POLD3: variants seen among roughly 807,000 people sequenced by gnomAD.
The protein encoded by POLD3 is DNA polymerase delta subunit 3.
POLD3 carries 19 observed loss-of-function variants against 58.2 expected under a neutral mutation model. The ratio of observed to expected loss-of-function variants is 0.33; its 90% CI spans 0.23 to 0.48. The LOEUF (loss-of-function observed/expected upper bound fraction) is 0.48, where lower values mean the gene tolerates loss of function less well. Among genes scored for constraint, POLD3 ranks in the 20% least tolerant of loss-of-function variants. The pLI, the probability that POLD3 is intolerant of heterozygous loss-of-function variation, is 0.99. For missense variants in POLD3, 504 were observed against 545.5 expected (o/e 0.92, Z 0.76); for synonymous variants, 172 against 193.5 (o/e 0.89, Z 0.92).
In POLD3 at chr11:74,592,657, C is replaced by A; in HGVS notation, c.-2C>A. On this transcript the variant is annotated 5_prime_UTR_variant, in exon 1 of 12. Coordinates refer to ENST00000263681, the MANE Select transcript of POLD3 (RefSeq NM_006591.3). ...AGAGGCGGGTCCCAGCGCTGCCGCACCATGGCGGACCAGCTTTATCTGGAA... is the reference window on the plus strand; with the variant it reads ...AGAGGCGGGTCCCAGCGCTGCCGCAACATGGCGGACCAGCTTTATCTGGAA... 6.2e-7 allele frequency: 1 copy of A among 1,611,844 alleles called. No homozygotes were observed. The highest frequency in any genetic ancestry group is 1.1e-5 in the South Asian group (1 of 90,882).
intron 4 of POLD3, among the ~76,000 whole-genome samples, chr11:74,666,389 G>A (rs2033268334): frequency 1.3e-5 from 2 of 152,164 alleles, no homozygotes; most frequent in South Asian, 4.2e-4. Context: ...GGGAGGCCGA[G>A]GCAGGTGGAT....
chr11:74,613,666 A>G (rs1250308623), intron 5 of POLD3, among the ~76,000 whole-genome samples: 2 of 152,198 alleles, frequency 1.3e-5, no homozygotes, highest in Non-Finnish European at 1.5e-5. Flanking sequence ...TTCCCCAGAC[A>G]TACATTGAGC....
At chr11:74,618,469 C>A (rs1191833468) in intron 5 of POLD3, 68 bp from the exon 6 acceptor site, 4 of 1,112,908 alleles carry the variant, frequency 3.6e-6, no homozygotes, top group South Asian at 1.7e-5. Context: ...TTTTTTTTTT[C>A]TTTTTTTGTT....
Position 74,625,427 on chromosome 11 carries a change from G to T in POLD3, c.753G>T (p.Leu251Phe). The T allele has an allele frequency of 6.2e-7, 1 of 1,608,016 alleles. No individual in the cohort carries two copies. The highest frequency in any genetic ancestry group is 1.7e-5 in the Admixed American group (1 of 58,586). ...TTATAGATAAATTTAAAGTCAATTT[G>T]GACTCAGAACAAGCAGTGAAAGAAG... Reference protein sequence around the residue: ...KAAMNKFKVNLDSEQAVKEEK... With the variant: ...KAAMNKFKVNFDSEQAVKEEK... Residue 251 changes from leucine to phenylalanine, a missense_variant, in exon 8 of 12, where the codon TTG becomes TTT. Physicochemically the swap from Leu to Phe is conservative, Grantham distance 22 (BLOSUM62 0). Around this residue, in one of 2 missense-constraint regions of POLD3, gnomAD observed 385 missense variants for 370.5 expected, o/e 1.04. Coordinates refer to ENST00000263681, the MANE Select transcript of POLD3 (RefSeq NM_006591.3).
chr11:74,631,998 T>G (rs2032608546), intron 9 of POLD3, among the ~76,000 whole-genome samples: 1 of 151,840 alleles, frequency 6.6e-6, no homozygotes. Flanking sequence ...TACTCTCTTT[T>G]TAAAGCAAAA....
intron 8 of POLD3, among the ~76,000 whole-genome samples, chr11:74,625,871 TTGTGTGTGTG>T (rs56365420): frequency 4.9e-5 from 7 of 143,574 alleles, no homozygotes; most frequent in Admixed American, 1.4e-4. Flanking sequence ...GTGTGCCTAG[TTGTGTGTGTG>T]TGTGTGTGTG....
chr11:74,660,319 C>A lies in POLD3; in HGVS notation c.370-8458C>A, dbSNP rs183863432. ...AGATTTGGGTGGGGATATAGCCAAA[C>A]CGTATCAGTATTGATATCTTTCTCT... On this transcript the variant is annotated intron_variant, in intron 4 of 4. Transcript: ENST00000524752. Among the ~76,000 whole-genome samples, 151 of 152,242 alleles carry A rather than the reference C, an allele frequency of 9.9e-4. 2 individuals carry two copies. Among genetic ancestry groups the A allele is most frequent in the African/African-American group, 3.5e-3 (146 of 41,550 alleles).
chr11:74,613,228 C>T (rs1767550421), intron 5 of POLD3, among the ~76,000 whole-genome samples: 1 of 151,988 alleles, frequency 6.6e-6, no homozygotes, highest in African/African-American at 2.4e-5. Context: ...ATCTATTTCT[C>T]ATGTATTTAT....
intron 2 of POLD3, among the ~76,000 whole-genome samples, chr11:74,597,745 CCA>C (rs2031329351): frequency 6.6e-6 from 1 of 152,196 alleles, no homozygotes; most frequent in African/African-American, 2.4e-5. Flanking sequence ...CAGGCATAAG[CCA>C]CTGCACCTGG....
intron 2 of POLD3, among the ~76,000 whole-genome samples, chr11:74,601,136 C>T (rs2031481334): frequency 6.6e-6 from 1 of 152,166 alleles, no homozygotes; most frequent in Non-Finnish European, 1.5e-5. Context: ...ATGATATGGG[C>T]AGGACTATTA....
chr11:74,592,853 G>GTCTCCCCT, intron 1 of POLD3, 135 bp downstream of exon 1: 4 of 1,500,292 alleles, frequency 2.7e-6, no homozygotes, highest in South Asian at 1.3e-5. Flanking sequence ...GAGGGGACCT[G>GTCTCCCCT]GGCGAGCTCT....
chr11:74,640,044 T>A (rs2032868735), intron 11 of POLD3, among the ~76,000 whole-genome samples: 1 of 152,114 alleles, frequency 6.6e-6, no homozygotes, highest in African/African-American at 2.4e-5. Flanking sequence ...GGCATCAGGT[T>A]AGAGCTAGAC....
chr11:74,610,461 G>A (rs1249849481), intron 3 of POLD3, among the ~76,000 whole-genome samples: 2 of 152,020 alleles, frequency 1.3e-5, no homozygotes, highest in Admixed American at 1.3e-4. Context: ...TGCCTGCCTC[G>A]GCCTCCCAAA....
intron 2 of POLD3, among the ~76,000 whole-genome samples, chr11:74,594,359 C>T (rs1048876467): frequency 5.9e-5 from 9 of 152,132 alleles, no homozygotes; most frequent in African/African-American, 1.2e-4. Context: ...TACTGAATTA[C>T]GAATCCACCC....
At chr11:74,592,827 G>A (rs2031082016) in intron 1 of POLD3, 109 bp downstream of exon 1, 4 of 1,540,460 alleles carry the variant, frequency 2.6e-6, no homozygotes, top group Non-Finnish European at 3.5e-6. Flanking sequence ...GGGGACCAGG[G>A]GAGACAGGTC....
downstream of POLD3, among the ~76,000 whole-genome samples, chr11:74,647,687 C>T (rs2033016915): frequency 6.6e-6 from 1 of 152,156 alleles, no homozygotes; most frequent in African/African-American, 2.4e-5. Flanking sequence ...AAGTTCTCTG[C>T]CTTCCTGGAA....
intron 3 of POLD3, among the ~76,000 whole-genome samples, chr11:74,607,797 G>A (rs112975501): frequency 0.015 from 2,205 of 152,022 alleles, 46 homozygotes; most frequent in African/African-American, 0.049. Context: ...GCCCAGGCTG[G>A]TCTTGAACTT....
chr11:74,612,454 G>T (rs948569913), intron 4 of POLD3, among the ~76,000 whole-genome samples: 3 of 152,124 alleles, frequency 2.0e-5, no homozygotes, highest in Non-Finnish European at 2.9e-5. Context: ...TATCTAGTTA[G>T]TAGTGTTTTT....
At chr11:74,639,849 T>G (rs1429155175) in intron 11 of POLD3, among the ~76,000 whole-genome samples, 2 of 152,238 alleles carry the variant, frequency 1.3e-5, no homozygotes, top group Admixed American at 6.5e-5. Context: ...ACTTTGTTTC[T>G]CAATTTATCA....
Sources: allele counts gnomAD v4.1 joint callset (sites outside exome capture counted in the v4.1 genomes callset), GRCh38; gene constraint gnomAD v4.1.1; regional missense constraint gnomAD v4.1.1; transcripts MANE v1.5; gene names NCBI Gene and HGNC (gene_info 2026-07-23, HGNC 2026-07-21).